PCDHGC5: variants seen among roughly 807,000 people sequenced by gnomAD.
PCDHGC5 encodes protocadherin gamma-C5.
PCDHGC5 carries 25 observed loss-of-function variants against 59.0 expected under a neutral mutation model. The ratio of observed to expected loss-of-function variants is 0.42; its 90% CI spans 0.31 to 0.59. The LOEUF (loss-of-function observed/expected upper bound fraction) is 0.59. Among genes scored for constraint, PCDHGC5 ranks in the 20% least tolerant of loss-of-function variants. The probability of loss-of-function intolerance (pLI) is 0.13; values close to 1 mark genes in which losing one functional copy is unlikely to be tolerated. For missense variants in PCDHGC5, 1,067 were observed against 1,206.4 expected (o/e 0.88, Z 1.71); for synonymous variants, 434 against 505.5 (o/e 0.86, Z 1.90).
rs112078596 is a variant in PCDHGC5, at chr5:141,490,350, G to A, written c.1110G>A (p.Gly370=). ...LESTPVGTVV[G]LFNVRDRDSG... is the part of the protein sequence containing the mutation. ...GCACACCAGTGGGCACAGTAGTGGG[G>A]TTGTTTAATGTGCGAGACCGGGACT... Residue 370 remains glycine, a synonymous_variant, in exon 1 of 4, where the codon GGG becomes GGA. Coordinates refer to ENST00000252087, the MANE Select transcript of PCDHGC5 (RefSeq NM_018929.3). The surrounding 1 kb of genome is among the most constrained non-coding windows in gnomAD (Gnocchi z 5.4). 3.5e-5 allele frequency: 57 copies of A among 1,614,086 alleles called. No homozygotes were observed. The highest frequency in any genetic ancestry group is 4.6e-5 in the Non-Finnish European group (54 of 1,180,042).
chr5:141,491,602 A>T lies in PCDHGC5; in HGVS notation c.2362A>T (p.Thr788Ser). The change falls in exon 1 of 4, where the codon ACT becomes TCT. Residue 788 changes from threonine to serine, a missense_variant. Physicochemically the swap from Thr to Ser is moderately conservative, Grantham distance 58. Transcript: ENST00000252087. The surrounding 1 kb of genome is among the most constrained non-coding windows in gnomAD (Gnocchi z 6.9). ...FSPASDGSDF[T>S]FLRPLSVQQP... is the part of the protein sequence containing the mutation. ...ACCGGCCTCGGACGGCAGTGACTTC[A>T]CTTTTCTAAGACCCCTCAGCGTTCA... is the stretch of plus-strand genomic sequence containing the variant. The T allele has an allele frequency of 6.2e-7, 1 of 1,613,838 alleles. No individual in the cohort carries two copies. Among genetic ancestry groups the T allele is most frequent in the Non-Finnish European group, 8.5e-7 (1 of 1,180,016 alleles).
intron 3 of PCDHGC5, 137 bp from the exon 4 acceptor site, chr5:141,510,810 A>T: frequency 6.6e-7 from 1 of 1,519,768 alleles, no homozygotes; most frequent in African/African-American, 1.4e-5. Context: ...TACCTTGGTG[A>T]CCCCTATATT....
chr5:141,512,262 C>G lies in PCDHGC5; in HGVS notation c.*1089C>G, dbSNP rs925517361. On this transcript the variant is annotated 3_prime_UTR_variant, in exon 4 of 4. Transcript: ENST00000252087. ...GAGGGGCCTCTGTGGGTGCTGGGTA[C>G]TCCAGAGGTGCCACTGGTGGAAGGG... 1 of 152,712 alleles carries G rather than the reference C, an allele frequency of 6.5e-6. No homozygotes were observed. The highest frequency in any genetic ancestry group is 2.4e-5 in the African/African-American group (1 of 41,452). 9.5% of individuals were successfully genotyped at this position (152,712 alleles called of 1,614,324 possible).
Position 141,493,876 on chromosome 5 carries a change from G to T in PCDHGC5, c.2461-931G>T, listed in dbSNP as rs2099750541. 6.6e-6 allele frequency among the ~76,000 whole-genome samples: 1 copy of T among 152,194 alleles called. No homozygotes were observed. ...CAGCCCACCCCAGAACCAGTGAGGA[G>T]GTGGCTCTAGGAGTGCTCCATGAGA... On this transcript the variant is annotated intron_variant, in intron 1 of 3. Transcript: ENST00000252087. The surrounding 1 kb of genome is among the most constrained non-coding windows in gnomAD (Gnocchi z 4.3).
At chr5:141,509,599 A>G (rs964564148) in intron 3 of PCDHGC5, among the ~76,000 whole-genome samples, 6 of 152,158 alleles carry the variant, frequency 3.9e-5, no homozygotes, top group African/African-American at 1.4e-4. Context: ...CAATTCCGAG[A>G]GGCTGCATTC....
intron 3 of PCDHGC5, among the ~76,000 whole-genome samples, chr5:141,509,066 C>A (rs1215686419): frequency 6.6e-6 from 1 of 152,172 alleles, no homozygotes; most frequent in Non-Finnish European, 1.5e-5. Context: ...GCTCTCAGCT[C>A]CGGGGATTTG....
chr5:141,492,695 A>G (rs925499358), intron 1 of PCDHGC5, among the ~76,000 whole-genome samples: 14 of 152,214 alleles, frequency 9.2e-5, no homozygotes, highest in African/African-American at 3.1e-4. Context: ...CGACCCCTCA[A>G]CCCAGAAGCC....
intron 1 of PCDHGC5, among the ~76,000 whole-genome samples, chr5:141,494,199 G>A (rs1033914239): frequency 1.3e-5 from 2 of 152,160 alleles, no homozygotes; most frequent in South Asian, 2.1e-4. Context: ...TGGATGCCCC[G>A]CAAAGGCCCA....
chr5:141,499,932 C>A (rs1169727162), intron 2 of PCDHGC5, among the ~76,000 whole-genome samples: 1 of 152,076 alleles, frequency 6.6e-6, no homozygotes, highest in Non-Finnish European at 1.5e-5. Context: ...AAGTGATCCA[C>A]CCTCCTCGGC....
Position 141,491,869 on chromosome 5 carries a change from G to A in PCDHGC5, c.2460+169G>A. On this transcript the variant is annotated intron_variant, in intron 1 of 3. Transcript: ENST00000252087. The surrounding 1 kb of genome is among the most constrained non-coding windows in gnomAD (Gnocchi z 6.9). ...GGACCGTTTGCGCGAAACCAGAGTG[G>A]CCGATTAAGGGATGGGGCTCCGAGC... The A allele has an allele frequency of 6.9e-7, 1 of 1,453,094 alleles. No individual in the cohort carries two copies. Among genetic ancestry groups the A allele is most frequent in the Non-Finnish European group, 9.1e-7 (1 of 1,099,380 alleles). 90.0% of individuals were successfully genotyped at this position (1,453,094 alleles called of 1,614,324 possible).
chr5:141,503,894 T>C (rs898125492), intron 2 of PCDHGC5, among the ~76,000 whole-genome samples: 2 of 152,144 alleles, frequency 1.3e-5, no homozygotes, highest in African/African-American at 4.8e-5. Flanking sequence ...CATGACAAAA[T>C]ATGCACACAC....
At chr5:141,494,644 G>A in intron 1 of PCDHGC5, 163 bp from the exon 2 acceptor site, 1 of 933,684 alleles carries the variant, frequency 1.1e-6, no homozygotes. Flanking sequence ...TGAGACCTGA[G>A]GTGTATTTTG....
rs759220286 is a variant in PCDHGC5 at position 141,490,018 on chromosome 5, C to G, written c.778C>G (p.Leu260Val). The G allele has an allele frequency of 6.2e-7, 1 of 1,614,252 alleles. No individual in the cohort carries two copies. Among genetic ancestry groups the G allele is most frequent in the Non-Finnish European group, 8.5e-7 (1 of 1,180,038 alleles). ...CCCAGAGAATGCACCCATTGGTACTCTGCTGCTCCGCCTCAATGCCACTGA... is the reference window on the plus strand; with the variant it reads ...CCCAGAGAATGCACCCATTGGTACTGTGCTGCTCCGCCTCAATGCCACTGA... The part of the protein sequence containing the change: ...GIPENAPIGT[L>V]LLRLNATDPD... Residue 260 changes from leucine (L) to valine (V), a missense_variant, in exon 1 of 4, where the codon CTG (leucine) becomes GTG (valine). Transcript: ENST00000252087. This position sits in a 1 kb window ranked among gnomAD's most constrained non-coding sequence, Gnocchi z 5.4.
intron 1 of PCDHGC5, among the ~76,000 whole-genome samples, chr5:141,492,165 C>T (rs932762928): frequency 1.4e-4 from 22 of 152,210 alleles, no homozygotes; most frequent in African/African-American, 4.8e-4. Context: ...TCCCTATCCC[C>T]GCATCACCCA....
intron 2 of PCDHGC5, among the ~76,000 whole-genome samples, chr5:141,501,236 G>T (rs571684337): frequency 5.5e-4 from 83 of 150,782 alleles, no homozygotes; most frequent in African/African-American, 2.0e-3. Context: ...TCAGTTTTTT[G>T]AGCATGATGT....
chr5:141,492,859 C>T (rs966216924), intron 1 of PCDHGC5, among the ~76,000 whole-genome samples: 1 of 152,232 alleles, frequency 6.6e-6, no homozygotes, highest in Non-Finnish European at 1.5e-5. Flanking sequence ...CTCGAGCGCC[C>T]TGGCTCTCAA....
In PCDHGC5 at chr5:141,512,839, C is replaced by T. The variant is rs141207714; in HGVS notation, c.*1666C>T. ...GACCCCCTCCCCCGTACTGACTTCTCCTATAAGCGCTTCTCTTCGCATAGT... is the reference window on the plus strand; with the variant it reads ...GACCCCCTCCCCCGTACTGACTTCTTCTATAAGCGCTTCTCTTCGCATAGT... On this transcript the variant is annotated 3_prime_UTR_variant, in exon 4 of 4. Transcript: ENST00000252087. 278 of 152,216 alleles carry T rather than the reference C, an allele frequency of 1.8e-3. 2 individuals are homozygous for T. Among genetic ancestry groups the T allele is most frequent in the Middle Eastern group, 0.01 (3 of 292 alleles). 9.4% of individuals were successfully genotyped at this position (152,216 alleles called of 1,614,324 possible). A position where few individuals can be genotyped will look rare whatever the true frequency, so the allele number is the denominator to read the frequency against.
intron 1 of PCDHGC5, among the ~76,000 whole-genome samples, chr5:141,494,135 GTCAC>G (rs1365926534): frequency 3.3e-5 from 5 of 152,202 alleles, no homozygotes; most frequent in Admixed American, 6.5e-5. Flanking sequence ...CTTCTCCTTA[GTCAC>G]AGACCATTGT....
chr5:141,491,845 G>A lies in PCDHGC5; in HGVS notation c.2460+145G>A. 6.8e-7 allele frequency: 1 copy of A among 1,463,944 alleles called. No homozygotes were observed. The highest frequency in any genetic ancestry group is 9.0e-7 in the Non-Finnish European group (1 of 1,106,126). 90.7% of individuals were successfully genotyped at this position (1,463,944 alleles called of 1,614,324 possible). ...CTCCACCCGATTCTCGGGATCATTGGACCGTTTGCGCGAAACCAGAGTGGC... is the reference window on the plus strand; with the variant it reads ...CTCCACCCGATTCTCGGGATCATTGAACCGTTTGCGCGAAACCAGAGTGGC... On this transcript the variant is annotated intron_variant, in intron 1 of 3. Coordinates refer to ENST00000252087, the MANE Select transcript of PCDHGC5 (RefSeq NM_018929.3). This position sits in a 1 kb window ranked among gnomAD's most constrained non-coding sequence, Gnocchi z 6.9.
Sources: allele counts gnomAD v4.1 joint callset (sites outside exome capture counted in the v4.1 genomes callset), GRCh38; gene constraint gnomAD v4.1.1; non-coding constraint Gnocchi (gnomAD v3.1); transcripts MANE v1.5; gene names NCBI Gene and HGNC (gene_info 2026-07-23, HGNC 2026-07-21).